MGAT4C: variants seen among roughly 807,000 people sequenced by gnomAD.
MGAT4C encodes the protein alpha-1,3-mannosyl-glycoprotein 4-beta-N-acetylglucosaminyltransferase C.
A neutral mutation model predicts 40.1 loss-of-function variants in MGAT4C; 19 were observed. The ratio of observed to expected loss-of-function variants is 0.47; its 90% confidence interval spans 0.33 to 0.70. The LOEUF (loss-of-function observed/expected upper bound fraction) is 0.70, where lower values mean the gene tolerates loss of function less well. Among genes scored for constraint, MGAT4C ranks in the 30% least tolerant of loss-of-function variants. MGAT4C has a pLI of 0.02. For missense variants in MGAT4C, 491 were observed against 563.2 expected (o/e 0.87, Z 1.30); for synonymous variants, 181 against 187.1 (o/e 0.97, Z 0.27).
intron 1 of MGAT4C, among the ~76,000 whole-genome samples, chr12:86,128,291 T>C (rs1433446315): frequency 6.6e-6 from 1 of 152,170 alleles, no homozygotes; most frequent in Non-Finnish European, 1.5e-5. Context: ...TCACCTTGAA[T>C]TGTACTCCCA....
chr12:86,830,012 A>G (rs1952889756), intron 1 of MGAT4C, among the ~76,000 whole-genome samples: 1 of 151,518 alleles, frequency 6.6e-6, no homozygotes, highest in Non-Finnish European at 1.5e-5. Flanking sequence ...ATGGTTTGTT[A>G]CTGAATTTTA....
In MGAT4C at chr12:85,967,974, C is replaced by T. The variant is rs1166947633; in HGVS notation, c.*11315G>A. The T allele has an allele frequency of 6.6e-6, 1 of 152,018 alleles. No individual in the cohort carries two copies. Among genetic ancestry groups the T allele is most frequent in the East Asian group, 1.9e-4 (1 of 5,190 alleles). 9.4% of individuals were successfully genotyped at this position (152,018 alleles called of 1,614,324 possible). A position where few individuals can be genotyped will look rare whatever the true frequency, so the allele number is the denominator to read the frequency against. On this transcript the variant is annotated 3_prime_UTR_variant, in exon 5 of 5. Coordinates refer to ENST00000611864, the MANE Select transcript of MGAT4C (RefSeq NM_001351288.2). ...ATATTGAGGCCTATATCAATAACCT[C>T]AAACCTTTTAAACACTTAGAGCAAG...
At chr12:86,270,039 TTTTTG>T (rs1228931108) in intron 4 of MGAT4C, among the ~76,000 whole-genome samples, 1 of 151,864 alleles carries the variant, frequency 6.6e-6, no homozygotes, top group South Asian at 2.1e-4. Context: ...TGGATCTCTG[TTTTTG>T]TTTTGTTTTG....
intron 1 of MGAT4C, among the ~76,000 whole-genome samples, chr12:86,195,251 G>A (rs1367954980): frequency 6.6e-6 from 1 of 152,136 alleles, no homozygotes; most frequent in African/African-American, 2.4e-5. Context: ...GGTTTCTCAA[G>A]GGCTGGTTGC....
At chr12:86,284,082 TG>T (rs1953286566) in intron 4 of MGAT4C, among the ~76,000 whole-genome samples, 2 of 152,086 alleles carry the variant, frequency 1.3e-5, no homozygotes, top group African/African-American at 4.8e-5. Flanking sequence ...CTAAATGCAC[TG>T]GCTAAAAGAC....
At chr12:86,524,386 T>C (rs1166087654) in intron 2 of MGAT4C, among the ~76,000 whole-genome samples, 2 of 152,148 alleles carry the variant, frequency 1.3e-5, no homozygotes, top group African/African-American at 2.4e-5. Flanking sequence ...TGGGTTGGAA[T>C]TGCTTTCCTC....
intron 2 of MGAT4C, among the ~76,000 whole-genome samples, chr12:86,509,456 T>C (rs1173955739): frequency 6.6e-6 from 1 of 152,224 alleles, no homozygotes; most frequent in African/African-American, 2.4e-5. Context: ...CTGTTTTACT[T>C]ACTGTAACCT....
At chr12:86,678,220 G>C (rs1457248867) in intron 2 of MGAT4C, among the ~76,000 whole-genome samples, 1 of 151,998 alleles carries the variant, frequency 6.6e-6, no homozygotes, top group Admixed American at 6.6e-5. Context: ...CCTCCATTTA[G>C]TTTAGCCGTT....
At chr12:86,607,465 T>C (rs1174737160) in intron 2 of MGAT4C, among the ~76,000 whole-genome samples, 1 of 152,134 alleles carries the variant, frequency 6.6e-6, no homozygotes, top group Non-Finnish European at 1.5e-5. Context: ...CTTATGTCTC[T>C]TTGGTGTTTG....
intron 3 of MGAT4C, among the ~76,000 whole-genome samples, chr12:86,427,677 T>A (rs1265553926): frequency 6.6e-6 from 1 of 152,152 alleles, no homozygotes; most frequent in Non-Finnish European, 1.5e-5. Flanking sequence ...TGCCATATGT[T>A]CTCTAAAATG....
At position 86,228,708 on chromosome 12, in the gene MGAT4C, T is replaced by G. The variant is rs144177922; in HGVS notation, c.-57+27531A>C. On this transcript the variant is annotated intron_variant, in intron 1 of 4. Transcript: ENST00000611864. ...TGATAAATCCTGTTTTCTCTTTATG[T>G]ATGTAAGACTCTAATTTAAAACTAA... Among the ~76,000 whole-genome samples the G allele has an allele frequency of 1.2e-3, 188 of 152,060 alleles. 1 individual carries two copies. Among genetic ancestry groups the G allele is most frequent in the African/African-American group, 4.3e-3 (178 of 41,556 alleles).
chr12:86,102,012 A>G (rs1875178891), intron 1 of MGAT4C, among the ~76,000 whole-genome samples: 1 of 151,986 alleles, frequency 6.6e-6, no homozygotes, highest in Non-Finnish European at 1.5e-5. Flanking sequence ...ATATAGGCTG[A>G]CAACTGGCCT....
intron 2 of MGAT4C, among the ~76,000 whole-genome samples, chr12:86,541,792 G>T (rs780458957): frequency 6.6e-6 from 1 of 152,076 alleles, no homozygotes; most frequent in Non-Finnish European, 1.5e-5. Context: ...TCTCCAACCT[G>T]ATTTTCACTC....
chr12:86,722,895 C>T (rs1049384657), intron 2 of MGAT4C, among the ~76,000 whole-genome samples: 7 of 152,124 alleles, frequency 4.6e-5, no homozygotes, highest in African/African-American at 1.7e-4. Flanking sequence ...TTGTCTGATA[C>T]ATTTTAGTAG....
intron 1 of MGAT4C, among the ~76,000 whole-genome samples, chr12:86,747,280 G>T (rs948482181): frequency 6.6e-6 from 1 of 151,544 alleles, no homozygotes; most frequent in Non-Finnish European, 1.5e-5. Flanking sequence ...CCGTTGAGCC[G>T]TAAGTTGCAT....
At chr12:86,386,196 C>G (rs1198152358) in intron 3 of MGAT4C, among the ~76,000 whole-genome samples, 1 of 152,184 alleles carries the variant, frequency 6.6e-6, no homozygotes, top group African/African-American at 2.4e-5. Context: ...TCCCAAAGTG[C>G]TGGGATTACA....
chr12:86,197,341 A>ATATACACATATACATATATGTATACATT (rs1405266059), intron 1 of MGAT4C, among the ~76,000 whole-genome samples: 1 of 152,204 alleles, frequency 6.6e-6, no homozygotes, highest in Non-Finnish European at 1.5e-5. Context: ...ACATATATAC[A>ATATACACATATACATATATGTATACATT]TATACACATA....
In MGAT4C at chr12:85,979,804, G is replaced by A; in HGVS notation, c.922C>T (p.Leu308Phe). 1 of 1,613,734 alleles carries A rather than the reference G, an allele frequency of 6.2e-7. No homozygotes were observed. Among genetic ancestry groups the A allele is most frequent in the Non-Finnish European group, 8.5e-7 (1 of 1,179,808 alleles). ...GAATAATAGCCCATGTGCTGAAAGA[G>A]AGATGGTTTAAAACGGATCACATTT... is the stretch of plus-strand genomic sequence containing the variant. ...QKNVIRFKPS[L>F]FQHMGYYSSY... Residue 308 changes from leucine to phenylalanine, a missense_variant, in exon 5 of 5, where the codon CTC becomes TTC. Leu to Phe is a conservative substitution (Grantham distance 22). Coordinates refer to ENST00000611864, the MANE Select transcript of MGAT4C (RefSeq NM_001351288.2).
chr12:86,023,524 T>C (rs528860758), intron 2 of MGAT4C, among the ~76,000 whole-genome samples: 4 of 150,730 alleles, frequency 2.7e-5, no homozygotes, highest in Admixed American at 2.0e-4. Context: ...TTTAAGACTT[T>C]ATATTAAGCT....
Sources: gnomAD v4.1 joint callset for allele counts (sites outside exome capture counted in the v4.1 genomes callset) on GRCh38, gnomAD v4.1.1 for gene constraint, MANE v1.5 for transcripts, NCBI Gene and HGNC (gene_info 2026-07-23, HGNC 2026-07-21) for gene names.